Variants in CLEC6A observed in about 807,000 individuals in gnomAD.
The protein encoded by CLEC6A is C-type lectin domain containing 6A, also known as C-type lectin domain family 6 member A.
A neutral mutation model predicts 25.7 loss-of-function variants in CLEC6A; 22 were observed. That is an observed-to-expected ratio of 0.85 (90% CI 0.61 to 1.22). The LOEUF (loss-of-function observed/expected upper bound fraction) is 1.22, where lower values mean the gene tolerates loss of function less well. CLEC6A is among the 50% of genes most tolerant of loss of function. The pLI is 0.00. For synonymous variants in CLEC6A, 92 were observed against 76.7 expected, an observed-to-expected ratio of 1.20 and a Z score of -1.04; for missense variants, 240 against 236.8, an observed-to-expected ratio of 1.01 and a Z score of -0.09.
chr12:8,477,637 C>T lies in CLEC6A; in HGVS notation c.*173C>T. 1 of 468,388 alleles carries T rather than the reference C, an allele frequency of 2.1e-6. No individual in the cohort carries two copies. Among genetic ancestry groups the T allele is most frequent in the South Asian group, 3.9e-5 (1 of 25,598 alleles). The allele number at this position is 468,388 out of a possible 1,614,324, so 29.0% of individuals were successfully genotyped here. ...TACCTGTTTCCCTTTAATCAATCTT[C>T]TCGTTTCCTCTTTTCCATTAATGAT... On this transcript the variant is annotated 3_prime_UTR_variant, in exon 6 of 6. Transcript: ENST00000382073.
chr12:8,474,769 C>T (rs1476614904), intron 4 of CLEC6A, among the ~76,000 whole-genome samples: 1 of 152,052 alleles, frequency 6.6e-6, no homozygotes, highest in Non-Finnish European at 1.5e-5. Flanking sequence ...ATTTTAGAAG[C>T]TTAATTGGAA....
intron 4 of CLEC6A, among the ~76,000 whole-genome samples, chr12:8,474,978 C>T (rs1939952865): frequency 6.6e-6 from 1 of 152,072 alleles, no homozygotes; most frequent in Non-Finnish European, 1.5e-5. Context: ...TGGTTTGCTG[C>T]ACCCATTAAC....
intron 4 of CLEC6A, among the ~76,000 whole-genome samples, chr12:8,473,400 C>T (rs1939931853): frequency 6.6e-6 from 1 of 152,108 alleles, no homozygotes; most frequent in South Asian, 2.1e-4. Context: ...CTGCAAAGGA[C>T]ATGATTTAAA....
intron 3 of CLEC6A, chr12:8,461,074 A>G (rs1181652645): frequency 6.3e-7 from 1 of 1,596,074 alleles, no homozygotes; most frequent in African/African-American, 1.3e-5. Flanking sequence ...GTGGATCACC[A>G]AACCAGTCCA....
intron 4 of CLEC6A, among the ~76,000 whole-genome samples, chr12:8,469,826 A>AAATT (rs1939882780): frequency 6.6e-6 from 1 of 152,208 alleles, no homozygotes; most frequent in Admixed American, 6.5e-5. Context: ...GGAACCATAA[A>AAATT]AATTCTAGAA....
At chr12:8,460,923 A>G (rs559510546) in intron 3 of CLEC6A, 4 of 850,644 alleles carry the variant, frequency 4.7e-6, no homozygotes, top group Non-Finnish European at 8.1e-6. Context: ...AGTCTGTTGC[A>G]GAGGAGCGAG....
chr12:8,461,685 A>G (rs755672775), intron 3 of CLEC6A, among the ~76,000 whole-genome samples: 1 of 152,352 alleles, frequency 6.6e-6, no homozygotes, highest in Admixed American at 6.5e-5. Flanking sequence ...GAAAAATAAA[A>G]ATAAAAGTCC....
intron 3 of CLEC6A, among the ~76,000 whole-genome samples, chr12:8,462,411 C>T (rs1482631221): frequency 7.5e-6 from 1 of 132,606 alleles, no homozygotes; most frequent in Non-Finnish European, 1.6e-5. Context: ...GCAGTTGAGA[C>T]AAGAGGAAGG....
chr12:8,466,141 G>C (rs1159415323), intron 4 of CLEC6A, among the ~76,000 whole-genome samples: 1 of 152,188 alleles, frequency 6.6e-6, no homozygotes, highest in Non-Finnish European at 1.5e-5. Context: ...GGTGTACACT[G>C]TGATGATTTG....
intron 4 of CLEC6A, among the ~76,000 whole-genome samples, chr12:8,475,025 C>A (rs1939953884): frequency 2.0e-5 from 3 of 151,948 alleles, no homozygotes; most frequent in Admixed American, 1.3e-4. Flanking sequence ...TAATGCTTTC[C>A]CTCCCCTAGC....
chr12:8,456,212 G>C, intron 1 of CLEC6A, 70 bp downstream of exon 1: 1 of 1,482,274 alleles, frequency 6.7e-7, no homozygotes, highest in Non-Finnish European at 9.4e-7. Flanking sequence ...GAGAGAAGAA[G>C]TAGCCAAAGA....
chr12:8,474,209 A>G (rs1401975172), intron 4 of CLEC6A, among the ~76,000 whole-genome samples: 1 of 152,124 alleles, frequency 6.6e-6, no homozygotes, highest in South Asian at 2.1e-4. Context: ...TTGAGGTCAT[A>G]TACTTAAACT....
chr12:8,466,820 A>G (rs1939837757), intron 4 of CLEC6A, among the ~76,000 whole-genome samples: 3 of 121,562 alleles, frequency 2.5e-5, no homozygotes, highest in African/African-American at 5.8e-5. Context: ...ACGATTGGCT[A>G]ATTTTTGTAT....
intron 5 of CLEC6A, among the ~76,000 whole-genome samples, chr12:8,476,691 T>C (rs751994162): frequency 4.6e-5 from 7 of 152,154 alleles, no homozygotes; most frequent in Non-Finnish European, 1.0e-4. Context: ...CATTATCTTA[T>C]TTGATTCTTC....
At chr12:8,476,296 G>A in intron 5 of CLEC6A, 56 bp downstream of exon 5, 2 of 961,092 alleles carry the variant, frequency 2.1e-6, no homozygotes, top group Non-Finnish European at 3.2e-6. Flanking sequence ...ATTTTGTTAG[G>A]AGTTACTAAT....
At chr12:8,466,456 C>G (rs1051396144) in intron 4 of CLEC6A, among the ~76,000 whole-genome samples, 1 of 152,094 alleles carries the variant, frequency 6.6e-6, no homozygotes, top group Non-Finnish European at 1.5e-5. Context: ...TTTTGAGGAA[C>G]CTTCATACTG....
intron 3 of CLEC6A, among the ~76,000 whole-genome samples, chr12:8,463,920 C>A (rs1939796348): frequency 6.6e-6 from 1 of 152,178 alleles, no homozygotes; most frequent in African/African-American, 2.4e-5. Flanking sequence ...TTGGAGCTGG[C>A]AATTTCACAT....
chr12:8,476,964 A>C (rs1939982681), intron 5 of CLEC6A, among the ~76,000 whole-genome samples: 1 of 152,110 alleles, frequency 6.6e-6, no homozygotes, highest in Admixed American at 6.6e-5. Context: ...GAAGCTTAGG[A>C]AGGTGATAAG....
chr12:8,458,815 C>T (rs868851212), intron 2 of CLEC6A, among the ~76,000 whole-genome samples: 22 of 151,830 alleles, frequency 1.4e-4, no homozygotes, highest in African/African-American at 2.2e-4. Context: ...GAACTAAGAG[C>T]GGGGCAGAAA....
Sources: allele counts gnomAD v4.1 joint callset (sites outside exome capture counted in the v4.1 genomes callset), GRCh38; gene constraint gnomAD v4.1.1; transcripts MANE v1.5; gene names NCBI Gene and HGNC (gene_info 2026-07-23, HGNC 2026-07-21).